The following CCDC178 variants were observed in gnomAD, a reference collection of about 807,000 sequenced individuals.
CCDC178 encodes the protein coiled-coil domain-containing protein 178.
Under a neutral mutation model 117.4 loss-of-function variants are expected in CCDC178, and 126 were observed. The ratio of observed to expected loss-of-function variants is 1.07; its 90% CI spans 0.93 to 1.24. The LOEUF is 1.24. CCDC178 is among the 50% of genes most tolerant of loss of function. The pLI, the probability that CCDC178 is intolerant of heterozygous loss-of-function variation, is 0.00. For synonymous variants in CCDC178, 283 were observed against 313.4 expected (o/e 0.90, Z 1.02); for missense variants, 1,030 against 986.9 (o/e 1.04, Z -0.59).
chr18:33,086,423 T>TAC (rs1202668250), intron 21 of CCDC178, among the ~76,000 whole-genome samples: 194 of 149,126 alleles, frequency 1.3e-3, no homozygotes, highest in African/African-American at 4.6e-3. Flanking sequence ...TATAAATATA[T>TAC]ATACACACAC....
intron 14 of CCDC178, among the ~76,000 whole-genome samples, chr18:33,256,949 A>G (rs2059687490): frequency 6.6e-6 from 1 of 152,050 alleles, no homozygotes; most frequent in African/African-American, 2.4e-5. Context: ...GATAGAATAA[A>G]TCTCATAATT....
intron 5 of CCDC178, among the ~76,000 whole-genome samples, chr18:33,375,438 C>T (rs1400412111): frequency 6.6e-6 from 1 of 152,032 alleles, no homozygotes; most frequent in East Asian, 1.9e-4. Flanking sequence ...ACAAATTTCC[C>T]AAATCTGTCC....
intron 21 of CCDC178, among the ~76,000 whole-genome samples, chr18:33,003,759 A>C (rs1198805005): frequency 6.6e-6 from 1 of 152,146 alleles, no homozygotes; most frequent in Non-Finnish European, 1.5e-5. Context: ...TGCAGATAAT[A>C]TAATCTTATA....
chr18:33,422,821 T>G (rs1483637149), intron 2 of CCDC178, among the ~76,000 whole-genome samples: 1 of 152,172 alleles, frequency 6.6e-6, no homozygotes, highest in Non-Finnish European at 1.5e-5. Context: ...CCTACAGATT[T>G]GCCTGGAAGT....
chr18:33,364,271 A>G (rs555230083), intron 6 of CCDC178, among the ~76,000 whole-genome samples: 2 of 152,222 alleles, frequency 1.3e-5, no homozygotes, highest in South Asian at 2.1e-4. Context: ...ACGTATGTGC[A>G]TGTATACCAA....
intron 12 of CCDC178, among the ~76,000 whole-genome samples, chr18:33,277,849 C>T (rs111902603): frequency 1.3e-5 from 2 of 152,138 alleles, no homozygotes; most frequent in Non-Finnish European, 1.5e-5. Flanking sequence ...CCCAATCTAA[C>T]GGCACTGATT....
chr18:33,223,278 G>A, intron 17 of CCDC178, 59 bp from the exon 18 acceptor site: 1 of 1,484,462 alleles, frequency 6.7e-7, no homozygotes, highest in African/African-American at 1.4e-5. Context: ...TCCTCATTTA[G>A]GCCAAATCGT....
At chr18:33,307,480 T>C (rs1439058515) in intron 11 of CCDC178, among the ~76,000 whole-genome samples, 1 of 152,176 alleles carries the variant, frequency 6.6e-6, no homozygotes, top group Non-Finnish European at 1.5e-5. Flanking sequence ...TGGCAAAGCA[T>C]TCAAGAAGAA....
At chr18:33,242,901 GTTTA>G (rs1192626480) in intron 15 of CCDC178, among the ~76,000 whole-genome samples, 7 of 151,754 alleles carry the variant, frequency 4.6e-5, no homozygotes, top group Non-Finnish European at 8.8e-5. Flanking sequence ...TCCCACTATT[GTTTA>G]TTTATCCAAA....
At chr18:33,380,739 T>C (rs2063429610) in intron 5 of CCDC178, among the ~76,000 whole-genome samples, 1 of 152,236 alleles carries the variant, frequency 6.6e-6, no homozygotes, top group Non-Finnish European at 1.5e-5. Flanking sequence ...TCATATTCCT[T>C]CTTGAATTAA....
At chr18:33,075,523 T>C (rs931676390) in intron 21 of CCDC178, among the ~76,000 whole-genome samples, 1 of 152,160 alleles carries the variant, frequency 6.6e-6, no homozygotes, top group Non-Finnish European at 1.5e-5. Context: ...ATTTTATGTA[T>C]CTATAAATAT....
intron 6 of CCDC178, 98 bp downstream of exon 6, chr18:33,369,952 T>C: frequency 1.0e-6 from 1 of 1,003,004 alleles, no homozygotes; most frequent in South Asian, 2.2e-5. Context: ...CCAATTATCA[T>C]TTAAAAAGTC....
At chr18:33,245,544 G>T (rs956498843) in intron 14 of CCDC178, 116 bp from the exon 15 acceptor site, 11 of 1,098,930 alleles carry the variant, frequency 1.0e-5, no homozygotes, top group Non-Finnish European at 1.2e-5. Flanking sequence ...AAAATTGCTG[G>T]ATAATTAGCT....
At chr18:33,410,450 A>AT (rs756840637) in intron 3 of CCDC178, among the ~76,000 whole-genome samples, 14 of 152,100 alleles carry the variant, frequency 9.2e-5, no homozygotes, top group South Asian at 2.1e-4. Flanking sequence ...ATGAAATAAC[A>AT]TTTTTTTTCA....
At chr18:33,244,896 C>G (rs114057991) in intron 15 of CCDC178, among the ~76,000 whole-genome samples, 1 of 151,888 alleles carries the variant, frequency 6.6e-6, no homozygotes, top group Non-Finnish European at 1.5e-5. Context: ...ATAAGGTAGA[C>G]GAACACCTCT....
intron 20 of CCDC178, among the ~76,000 whole-genome samples, chr18:33,180,575 C>T (rs890693010): frequency 2.6e-5 from 4 of 151,892 alleles, no homozygotes; most frequent in African/African-American, 9.7e-5. Flanking sequence ...TAAAAATGTG[C>T]TATTGTTATT....
intron 21 of CCDC178, among the ~76,000 whole-genome samples, chr18:33,050,328 G>C (rs2056725246): frequency 6.6e-6 from 1 of 152,108 alleles, no homozygotes; most frequent in African/African-American, 2.4e-5. Context: ...ATTTATGACA[G>C]AAACCGCCGA....
intron 21 of CCDC178, among the ~76,000 whole-genome samples, chr18:33,089,754 CA>C (rs1425358156): frequency 6.6e-6 from 1 of 152,074 alleles, no homozygotes; most frequent in Admixed American, 6.5e-5. Context: ...GTGACTTCAT[CA>C]AAATACCCAT....
chr18:33,271,546 A>C (rs1181547465), intron 12 of CCDC178, among the ~76,000 whole-genome samples: 2 of 151,504 alleles, frequency 1.3e-5, no homozygotes, highest in Non-Finnish European at 1.5e-5. Context: ...TTTTATAATA[A>C]CAGAAGGGTC....
Sources: gnomAD v4.1 joint callset for allele counts (sites outside exome capture counted in the v4.1 genomes callset) on GRCh38, gnomAD v4.1.1 for gene constraint, MANE v1.5 for transcripts, NCBI Gene and HGNC (gene_info 2026-07-23, HGNC 2026-07-21) for gene names.